HHIP: variants seen among roughly 807,000 people sequenced by gnomAD.
HHIP encodes hedgehog-interacting protein.
A neutral mutation model predicts 74.0 loss-of-function variants in HHIP; 12 were observed. The observed-to-expected ratio is 0.16, with a 90% CI of 0.10 to 0.26. The LOEUF is 0.26. HHIP is among the 10% of genes least tolerant of loss of function. The probability of loss-of-function intolerance (pLI) is 1.00; values close to 1 mark genes in which losing one functional copy is unlikely to be tolerated. For missense variants in HHIP, 788 were observed against 845.0 expected (o/e 0.93, Z 0.84); for synonymous variants, 309 against 311.6 (o/e 0.99, Z 0.09).
At chr4:144,698,710 C>A (rs530511490) in intron 4 of HHIP, among the ~76,000 whole-genome samples, 1 of 152,226 alleles carries the variant, frequency 6.6e-6, no homozygotes, top group African/African-American at 2.4e-5. Context: ...AGAATTGATA[C>A]GTCCTTCGTT....
intron 4 of HHIP, among the ~76,000 whole-genome samples, chr4:144,687,865 G>C (rs1381611582): frequency 6.9e-6 from 1 of 144,542 alleles, no homozygotes; most frequent in Non-Finnish European, 1.5e-5. Flanking sequence ...TAACTTGTTA[G>C]GAATGGAAAT....
intron 11 of HHIP, among the ~76,000 whole-genome samples, chr4:144,726,511 A>ATAT (rs1442681465): frequency 6.6e-6 from 1 of 152,224 alleles, no homozygotes; most frequent in Non-Finnish European, 1.5e-5. Context: ...ACTGTACCAT[A>ATAT]ACCCTGTACA....
At chr4:144,712,377 T>A (rs1339568163) in intron 8 of HHIP, among the ~76,000 whole-genome samples, 2 of 152,208 alleles carry the variant, frequency 1.3e-5, no homozygotes, top group Non-Finnish European at 2.9e-5. Context: ...GAATAAGTTC[T>A]ATTCAGTAGG....
At chr4:144,720,485 A>G (rs991687300) in intron 11 of HHIP, among the ~76,000 whole-genome samples, 1 of 152,152 alleles carries the variant, frequency 6.6e-6, no homozygotes, top group African/African-American at 2.4e-5. Flanking sequence ...TGGATTGTTT[A>G]GTCTGTGGCT....
Position 144,687,751 on chromosome 4 carries a change from C to CTT in HHIP, c.832-18753_832-18752dup, listed in dbSNP as rs5862719. On this transcript the variant is annotated intron_variant, in intron 4 of 12. Transcript: ENST00000296575. ...TCAGGTGCCTAATAACTTTTGGCAA[C>CTT]TTTTTTTTTTTTTTTTTTTTTTTTT... Among the ~76,000 whole-genome samples, 226 of 73,456 alleles carry CTT rather than the reference C, an allele frequency of 3.1e-3. 8 individuals carry two copies. The highest frequency in any genetic ancestry group is 5.2e-3 in the African/African-American group (96 of 18,480). The allele number at this position is 73,456 out of a possible 152,430, so 48.2% of individuals were successfully genotyped here.
At position 144,738,047 on chromosome 4, in the gene HHIP, T is replaced by C. The variant is rs558758377; in HGVS notation, c.*90T>C. ...AAAAGACTGTTATCCTGCTACACAC[T>C]CCTGTGATTTCATTCTCTTTTATTA... On this transcript the variant is annotated 3_prime_UTR_variant, in exon 13 of 13. Transcript: ENST00000296575. 7.1e-7 allele frequency: 1 copy of C among 1,415,152 alleles called. No homozygotes were observed. The allele number at this position is 1,415,152 out of a possible 1,614,324, so 87.7% of individuals were successfully genotyped here. A position where few individuals can be genotyped will look rare whatever the true frequency, so the allele number is the denominator to read the frequency against.
In HHIP at chr4:144,701,840, T is replaced by C. The variant is rs1729992802; in HGVS notation, c.832-4691T>C. On this transcript the variant is annotated intron_variant, in intron 4 of 12. Coordinates refer to ENST00000296575, the MANE Select transcript of HHIP (RefSeq NM_022475.3). ...CTAAGAAAAATTATGTTTCCTAAAA[T>C]GTACAAGTCAGTATTTCCTGAAGGA... Among the ~76,000 whole-genome samples, 2 of 152,146 alleles carry C rather than the reference T, an allele frequency of 1.3e-5. 1 individual carries two copies. The highest frequency in any genetic ancestry group is 4.1e-4 in the South Asian group (2 of 4,828).
rs921402155 is a variant in HHIP, at chr4:144,718,739, C to G, written c.1679-136C>G. The G allele has an allele frequency of 1.8e-5, 12 of 675,198 alleles. No homozygotes were observed. The African/African-American group carries it at 1.8e-4, about 10-fold the overall frequency. The allele number at this position is 675,198 out of a possible 1,614,324, so 41.8% of individuals were successfully genotyped here. A position where few individuals can be genotyped will look rare whatever the true frequency, so the allele number is the denominator to read the frequency against. On this transcript the variant is annotated intron_variant, in intron 10 of 12. Transcript: ENST00000296575. ...ACTGTAAAGGCAGACATGTGAGACT[C>G]TTGCATAATCTTTAGGCAAGTGATT...
chr4:144,745,195 C>A lies in HHIP; in HGVS notation c.*7238C>A, dbSNP rs1012103193. On this transcript the variant is annotated 3_prime_UTR_variant, in exon 13 of 13. Coordinates refer to ENST00000296575, the MANE Select transcript of HHIP (RefSeq NM_022475.3). ...TTTAATATATTTATGTAAATGCATG[C>A]CTGAAATTTGGTTAGATTGGCTGTG... The A allele has an allele frequency of 6.6e-6, 1 of 152,008 alleles. No individual in the cohort carries two copies. Among genetic ancestry groups the A allele is most frequent in the Non-Finnish European group, 1.5e-5 (1 of 68,008 alleles). 9.4% of individuals were successfully genotyped at this position (152,008 alleles called of 1,614,324 possible). A position where few individuals can be genotyped will look rare whatever the true frequency, so the allele number is the denominator to read the frequency against.
chr4:144,658,978 T>A (rs749347370), intron 3 of HHIP, 32 bp downstream of exon 3: 41 of 1,544,638 alleles, frequency 2.7e-5, no homozygotes, highest in Admixed American at 1.1e-4. Flanking sequence ...TTAATCTTTT[T>A]AAAAAAACCC....
intron 3 of HHIP, among the ~76,000 whole-genome samples, chr4:144,659,238 A>T (rs1377384488): frequency 1.3e-5 from 2 of 152,204 alleles, no homozygotes; most frequent in African/African-American, 2.4e-5. Context: ...GCACTGTGAA[A>T]ATGTTCAGCA....
Position 144,646,609 on chromosome 4 carries a change from GCCCCTGCTGGGCAGTGGCGTT to G in HHIP, c.-62_-42del, listed in dbSNP as rs1452510295. The G allele has an allele frequency of 1.3e-6, 2 of 1,521,354 alleles. No homozygotes were observed. The highest frequency in any genetic ancestry group is 1.8e-6 in the Non-Finnish European group (2 of 1,120,014). 94.2% of individuals were successfully genotyped at this position (1,521,354 alleles called of 1,614,324 possible). ...ACTCCTCCTGGAGCTGCGCCCTAGT[GCCCCTGCTGGGCAGTGGCGTT>G]CCCCCCCATCCTCCCGCGCCCAGCC... is the stretch of plus-strand genomic sequence containing the variant. On this transcript the variant is annotated 5_prime_UTR_variant, in exon 1 of 13. Transcript: ENST00000296575.
rs146803587 is a variant in HHIP, at chr4:144,725,572, T to C, written c.1760+6616T>C. The stretch of plus-strand genomic sequence containing the variant: ...GAGCTAAGAATTTATTTTTTGATGA[T>C]TTCTAAAACAAAAATACTGCATTCT... On this transcript the variant is annotated intron_variant, in intron 11 of 12. Coordinates refer to ENST00000296575, the MANE Select transcript of HHIP (RefSeq NM_022475.3). 2.2e-3 allele frequency among the ~76,000 whole-genome samples: 335 copies of C among 152,328 alleles called. 3 individuals carry two copies. The highest frequency in any genetic ancestry group is 7.7e-3 in the African/African-American group (319 of 41,582).
chr4:144,688,378 A>T (rs1040431615), intron 4 of HHIP, among the ~76,000 whole-genome samples: 1 of 152,170 alleles, frequency 6.6e-6, no homozygotes, highest in Middle Eastern at 3.2e-3. Context: ...CTTCTATAGA[A>T]TTAATTGGAG....
chr4:144,691,838 G>A (rs577571139), intron 4 of HHIP, among the ~76,000 whole-genome samples: 1 of 151,066 alleles, frequency 6.6e-6, no homozygotes, highest in Non-Finnish European at 1.5e-5. Flanking sequence ...ATCAAATAAG[G>A]GAGAAAAAAA....
intron 2 of HHIP, among the ~76,000 whole-genome samples, chr4:144,657,793 C>T (rs905133828): frequency 1.3e-5 from 2 of 151,888 alleles, no homozygotes; most frequent in African/African-American, 2.4e-5. Context: ...CTGTTTGAGA[C>T]GATTGAAGGA....
At chr4:144,702,215 A>G (rs371458234) in intron 4 of HHIP, among the ~76,000 whole-genome samples, 2 of 152,228 alleles carry the variant, frequency 1.3e-5, no homozygotes, top group African/African-American at 4.8e-5. Context: ...CTCTTCTTTC[A>G]AATGGATACT....
chr4:144,653,500 TTCATTGATTAATTTTTA>T lies in HHIP; in HGVS notation c.472+708_472+724del, dbSNP rs1728479613. On this transcript the variant is annotated intron_variant, in intron 2 of 12. Coordinates refer to ENST00000296575, the MANE Select transcript of HHIP (RefSeq NM_022475.3). ...GTTTGGACTCCAATAAGCTTATATA[TTCATTGATTAATTTTTA>T]TCATCAAAAATTTGTAAATTTTGGT... is the stretch of plus-strand genomic sequence containing the variant. Among the ~76,000 whole-genome samples, 3 of 152,202 alleles carry T rather than the reference TTCATTGATTAATTTTTA, an allele frequency of 2.0e-5. No homozygotes were observed. In the South Asian group the frequency reaches 6.2e-4, roughly 31 times the overall value.
At chr4:144,669,733 A>C (rs1202175774) in intron 4 of HHIP, among the ~76,000 whole-genome samples, 1 of 152,220 alleles carries the variant, frequency 6.6e-6, no homozygotes, top group African/African-American at 2.4e-5. Flanking sequence ...ACTGAAGCTT[A>C]ACACAAAAAT....
Sources: allele counts gnomAD v4.1 joint callset (sites outside exome capture counted in the v4.1 genomes callset), GRCh38; gene constraint gnomAD v4.1.1; transcripts MANE v1.5; gene names NCBI Gene and HGNC (gene_info 2026-07-23, HGNC 2026-07-21).